NDUFAF2: variants seen among roughly 807,000 people sequenced by gnomAD.
The protein encoded by NDUFAF2 is NADH:ubiquinone oxidoreductase complex assembly factor 2.
A neutral mutation model predicts 22.8 loss-of-function variants in NDUFAF2; 13 were observed. The observed-to-expected ratio is 0.57, with a 90% CI of 0.37 to 0.91. NDUFAF2 has a LOEUF of 0.91. Ranked by LOEUF, NDUFAF2 falls within the 40% of genes least tolerant of loss-of-function variation. The pLI is 0.01. For missense variants in NDUFAF2, 162 were observed against 195.2 expected, an observed-to-expected ratio of 0.83 and a Z score of 1.01; for synonymous variants, 53 against 64.2, an observed-to-expected ratio of 0.83 and a Z score of 0.84.
chr5:61,027,185 A>G (rs1352900339), intron 1 of NDUFAF2, among the ~76,000 whole-genome samples: 1 of 151,842 alleles, frequency 6.6e-6, no homozygotes, highest in Non-Finnish European at 1.5e-5. Context: ...GTAACTGATT[A>G]CAGTTGTTTT....
At chr5:60,964,452 CTT>C (rs750442889) in intron 1 of NDUFAF2, among the ~76,000 whole-genome samples, 23 of 139,412 alleles carry the variant, frequency 1.6e-4, no homozygotes, top group Admixed American at 2.2e-4. Flanking sequence ...GTGTACAACA[CTT>C]TTTTTTTTTT....
chr5:61,131,691 T>G (rs1037225158), intron 3 of NDUFAF2, among the ~76,000 whole-genome samples: 2 of 152,128 alleles, frequency 1.3e-5, no homozygotes, highest in African/African-American at 4.8e-5. Context: ...AAAAAAGATG[T>G]CTGAAAAATA....
intron 1 of NDUFAF2, among the ~76,000 whole-genome samples, chr5:60,963,289 TTGTTTTCCTACA>T (rs1750715282): frequency 6.6e-6 from 1 of 152,178 alleles, no homozygotes; most frequent in Non-Finnish European, 1.5e-5. Flanking sequence ...CTTGAAACTA[TTGTTTTCCTACA>T]CGTACTAGGA....
chr5:60,995,834 C>T (rs290503), intron 1 of NDUFAF2, among the ~76,000 whole-genome samples: 86,739 of 152,046 alleles, frequency 0.57, 26,038 homozygotes, highest in East Asian at 0.94. Flanking sequence ...AGAAGTCTCC[C>T]TGGGGTTCTT....
intron 3 of NDUFAF2, among the ~76,000 whole-genome samples, chr5:61,126,823 C>G (rs907014324): frequency 1.3e-5 from 2 of 151,816 alleles, no homozygotes; most frequent in Non-Finnish European, 2.9e-5. Context: ...ACAAAAAAAC[C>G]CTTCAAAAAA....
At chr5:61,059,819 C>G (rs1752142213) in intron 1 of NDUFAF2, among the ~76,000 whole-genome samples, 2 of 151,968 alleles carry the variant, frequency 1.3e-5, no homozygotes, top group Non-Finnish European at 2.9e-5. Context: ...CTTACATGTT[C>G]ACATAAGTAT....
intron 1 of NDUFAF2, among the ~76,000 whole-genome samples, chr5:60,988,062 C>T (rs554534368): frequency 2.6e-5 from 4 of 152,230 alleles, no homozygotes; most frequent in African/African-American, 9.6e-5. Context: ...GCAACTTGAG[C>T]TGATAAACAA....
At chr5:61,113,421 A>G (rs1752869835) in intron 3 of NDUFAF2, among the ~76,000 whole-genome samples, 1 of 152,042 alleles carries the variant, frequency 6.6e-6, no homozygotes, top group African/African-American at 2.4e-5. Flanking sequence ...TTCGCTGGGT[A>G]TTCTATTCTA....
At chr5:60,974,530 T>G (rs980246626) in intron 1 of NDUFAF2, among the ~76,000 whole-genome samples, 3 of 152,272 alleles carry the variant, frequency 2.0e-5, no homozygotes, top group African/African-American at 7.2e-5. Flanking sequence ...TAGAGGACCC[T>G]GACAAATTCA....
chr5:61,129,809 T>A (rs921296955), intron 3 of NDUFAF2, among the ~76,000 whole-genome samples: 7 of 151,748 alleles, frequency 4.6e-5, no homozygotes, highest in African/African-American at 1.7e-4. Flanking sequence ...GAAAAGTACT[T>A]ATAAGTAAAA....
intron 3 of NDUFAF2, among the ~76,000 whole-genome samples, chr5:61,106,491 C>T (rs1335214947): frequency 6.6e-6 from 1 of 151,374 alleles, no homozygotes; most frequent in African/African-American, 2.5e-5. Context: ...ATAATCACAT[C>T]AAGGTAAATG....
chr5:61,076,857 G>C (rs961397426), intron 2 of NDUFAF2, among the ~76,000 whole-genome samples: 9 of 152,192 alleles, frequency 5.9e-5, no homozygotes, highest in African/African-American at 1.7e-4. Context: ...GAAAGAAGAA[G>C]TTGCATTCCG....
chr5:61,031,816 G>T (rs866732802), intron 1 of NDUFAF2, among the ~76,000 whole-genome samples: 5 of 152,150 alleles, frequency 3.3e-5, no homozygotes, highest in African/African-American at 1.2e-4. Flanking sequence ...CTTCCACAAT[G>T]GTTGAACTAA....
At position 61,152,934 on chromosome 5, in the gene NDUFAF2, TG is replaced by T. The variant is rs753595274; in HGVS notation, c.491del (p.Gly164AlafsTer25). ...AGCCAGGATCCTGGATGCCACGAGATGGCAAGAGCCACAATCAATGAATGCA... is the reference window on the plus strand; with the variant it reads ...AGCCAGGATCCTGGATGCCACGAGATGCAAGAGCCACAATCAATGAATGCA... Reference protein sequence around the residue: ...FQPGSWMPRDGKSHNQ With the variant: ...FQPGSWMPRDXKSHNQ On this transcript the variant is annotated frameshift_variant, in exon 4 of 4. Coordinates refer to ENST00000296597, the MANE Select transcript of NDUFAF2 (RefSeq NM_174889.5). LOFTEE classifies it high-confidence loss of function. 2.9e-4 allele frequency: 461 copies of T among 1,613,808 alleles called. No homozygotes were observed. The highest frequency in any genetic ancestry group is 1.8e-4 in the Non-Finnish European group (215 of 1,179,900).
chr5:61,115,704 A>T (rs909810609), intron 3 of NDUFAF2: 1 of 152,200 alleles, frequency 6.6e-6, no homozygotes, highest in Non-Finnish European at 1.5e-5. Flanking sequence ...GGACTGATAC[A>T]TGACAGCTAA....
chr5:61,116,942 A>G (rs1354297694), intron 3 of NDUFAF2, among the ~76,000 whole-genome samples: 1 of 152,210 alleles, frequency 6.6e-6, no homozygotes, highest in Non-Finnish European at 1.5e-5. Flanking sequence ...AGAAATAAAC[A>G]AAATTCATTT....
chr5:61,100,735 G>C (rs927761630), intron 3 of NDUFAF2, among the ~76,000 whole-genome samples: 6 of 152,060 alleles, frequency 3.9e-5, no homozygotes, highest in African/African-American at 1.4e-4. Flanking sequence ...GAAGTAAGTT[G>C]TGCTCGCTTT....
At chr5:61,060,283 A>G (rs1752147797) in intron 1 of NDUFAF2, among the ~76,000 whole-genome samples, 2 of 152,116 alleles carry the variant, frequency 1.3e-5, no homozygotes, top group Admixed American at 1.3e-4. Context: ...AAGAATTCCT[A>G]TTTTAGTGCT....
chr5:61,036,506 A>G (rs1035967687), intron 1 of NDUFAF2, among the ~76,000 whole-genome samples: 2 of 152,204 alleles, frequency 1.3e-5, no homozygotes, highest in Non-Finnish European at 2.9e-5. Context: ...ATTTATATCT[A>G]CCATCTGTAT....
Sources: gnomAD v4.1 joint callset for allele counts (sites outside exome capture counted in the v4.1 genomes callset) on GRCh38, gnomAD v4.1.1 for gene constraint, MANE v1.5 for transcripts, NCBI Gene and HGNC (gene_info 2026-07-23, HGNC 2026-07-21) for gene names.